The following TEAD2 variants were observed in gnomAD, a reference collection of about 807,000 sequenced individuals.
The protein encoded by TEAD2 is transcriptional enhancer factor TEF-4.
Under a neutral mutation model 61.4 loss-of-function variants are expected in TEAD2, and 51 were observed. The ratio of observed to expected loss-of-function variants is 0.83; its 90% CI spans 0.66 to 1.05. The LOEUF (loss-of-function observed/expected upper bound fraction) is 1.05, where lower values mean the gene tolerates loss of function less well. TEAD2 is among the 50% of genes least tolerant of loss of function. TEAD2 has a pLI of 0.00. For missense variants in TEAD2, 509 were observed against 600.0 expected, an observed-to-expected ratio of 0.85 and a Z score of 1.58; for synonymous variants, 244 against 243.2, an observed-to-expected ratio of 1.00 and a Z score of -0.03.
intron 10 of TEAD2, among the ~76,000 whole-genome samples, chr19:49,344,124 G>A (rs944599085): frequency 1.3e-5 from 2 of 152,062 alleles, no homozygotes; most frequent in African/African-American, 2.4e-5. Context: ...TGGGATTACA[G>A]GCATGAGCCA....
chr19:49,358,191 G>A (rs548130239), intron 3 of TEAD2, among the ~76,000 whole-genome samples: 3 of 152,260 alleles, frequency 2.0e-5, no homozygotes, highest in East Asian at 1.9e-4. Context: ...CCAAGATCAC[G>A]CCACTGCACT....
intron 11 of TEAD2, among the ~76,000 whole-genome samples, 197 bp from the exon 12 acceptor site, chr19:49,342,787 C>A (rs1715878316): frequency 6.6e-6 from 1 of 152,066 alleles, no homozygotes; most frequent in Non-Finnish European, 1.5e-5. Context: ...TCTGAGCCTG[C>A]AAATCACAAG....
intron 8 of TEAD2, 50 bp from the exon 9 acceptor site, chr19:49,348,895 A>G: frequency 1.4e-6 from 2 of 1,452,170 alleles, no homozygotes; most frequent in Non-Finnish European, 1.8e-6. Context: ...TTTATGGAAT[A>G]TATCAGGTAC....
At position 49,343,611 on chromosome 19, in the gene TEAD2, T is replaced by C. The variant is rs185820027; in HGVS notation, c.922-213A>G. Among the ~76,000 whole-genome samples, 223 of 152,074 alleles carry C rather than the reference T, an allele frequency of 1.5e-3. 3 individuals are homozygous for C. Among genetic ancestry groups the C allele is most frequent in the Admixed American group, 0.014 (219 of 15,262 alleles). ...AAAATTAGCCGGGCGTGGTGGTGCA[T>C]GCTTGTAATCCCAGCTACTGGGACA... On this transcript the variant is annotated intron_variant, in intron 10 of 12. Coordinates refer to ENST00000593945, the MANE Select transcript of TEAD2 (RefSeq NM_001256660.2).
intron 10 of TEAD2, among the ~76,000 whole-genome samples, chr19:49,345,816 G>T (rs969980763): frequency 6.6e-6 from 1 of 152,060 alleles, no homozygotes; most frequent in African/African-American, 2.4e-5. Context: ...ATCACTTGAG[G>T]TCAGGAGTTC....
At chr19:49,342,612 TG>T in intron 11 of TEAD2, 22 bp from the exon 12 acceptor site, 2 of 1,601,200 alleles carry the variant, frequency 1.2e-6, no homozygotes, top group South Asian at 2.2e-5. Context: ...GGAAGGGAGT[TG>T]GGAAAATGGT....
chr19:49,355,109 G>A (rs373986105), intron 7 of TEAD2, 39 bp downstream of exon 7: 2 of 1,563,268 alleles, frequency 1.3e-6, no homozygotes, highest in Admixed American at 1.8e-5. Context: ...GAGTGTGAGG[G>A]TGGGGGGCAG....
At chr19:49,351,482 T>A in intron 7 of TEAD2, 117 bp from the exon 8 acceptor site, 1 of 946,256 alleles carries the variant, frequency 1.1e-6, no homozygotes, top group Non-Finnish European at 1.6e-6. Flanking sequence ...ACAATCTCAC[T>A]GAAGCCTCAC....
chr19:49,359,443 G>T lies in TEAD2; in HGVS notation c.289C>A (p.Arg97=). The T allele has an allele frequency of 6.2e-7, 1 of 1,614,044 alleles. No homozygotes were observed. Among genetic ancestry groups the T allele is most frequent in the Non-Finnish European group, 8.5e-7 (1 of 1,180,002 alleles). Residue 97 remains arginine, a synonymous_variant, in exon 3 of 13, where the codon CGA becomes AGA. Transcript: ENST00000593945. The surrounding 1 kb of genome is among the most constrained non-coding windows in gnomAD (Gnocchi z 4.1). ...IKLRTGKTRT[R]KQVSSHIQVL... ...CAAGTCCATTCCGAGACCTGTTTTCGAGTTCGGGTCTTCCCCGTTCTCAGC... is the reference window on the plus strand; with the variant it reads ...CAAGTCCATTCCGAGACCTGTTTTCTAGTTCGGGTCTTCCCCGTTCTCAGC...
At chr19:49,355,853 G>T in intron 5 of TEAD2, 106 bp downstream of exon 5, 2 of 1,066,114 alleles carry the variant, frequency 1.9e-6, no homozygotes, top group Non-Finnish European at 2.5e-6. Flanking sequence ...GCAAAGGCTT[G>T]GGTTGGGGGA....
rs201072189 is a variant in TEAD2 at position 49,343,854 on chromosome 19, T to TG, written c.922-457_922-456insC. ...TTTTGTTGTTTGTTTGTCTTTTTTTTTGGGGGGGGGGGAACAGGGTCTTGC... is the reference window on the plus strand; with the variant it reads ...TTTTGTTGTTTGTTTGTCTTTTTTTTGTGGGGGGGGGGGAACAGGGTCTTGC... On this transcript the variant is annotated intron_variant, in intron 10 of 12. Transcript: ENST00000593945. 2.6e-3 allele frequency among the ~76,000 whole-genome samples: 290 copies of TG among 111,272 alleles called. 14 individuals are homozygous for TG. Among genetic ancestry groups the TG allele is most frequent in the East Asian group, 3.3e-3 (12 of 3,630 alleles). 73.0% of individuals were successfully genotyped at this position (111,272 alleles called of 152,430 possible).
At chr19:49,349,072 GAC>G in intron 8 of TEAD2, 1 of 450,018 alleles carries the variant, frequency 2.2e-6, no homozygotes, top group Admixed American at 4.0e-5. Flanking sequence ...GAATGAAAAA[GAC>G]AGAACTTTGG....
chr19:49,353,601 C>T (rs1004497358), intron 7 of TEAD2, among the ~76,000 whole-genome samples: 2 of 152,114 alleles, frequency 1.3e-5, no homozygotes, highest in African/African-American at 2.4e-5. Context: ...TCCATGAAAG[C>T]GGAAACCCCA....
In TEAD2 at chr19:49,360,026, G is replaced by A. The variant is rs368557340; in HGVS notation, c.50C>T (p.Thr17Met). 2.9e-5 allele frequency: 46 copies of A among 1,608,468 alleles called. No individual in the cohort carries two copies. The highest frequency in any genetic ancestry group is 4.5e-5 in the East Asian group (2 of 44,896). ...GAALDDGSGW[T>M]GSEEGSEEGT... ...CTCCTCACTGCCTTCCTCACTGCCCGTCCAGCCGCTGCCATCGTCCAGGGC... is the reference window on the plus strand; with the variant it reads ...CTCCTCACTGCCTTCCTCACTGCCCATCCAGCCGCTGCCATCGTCCAGGGC... Residue 17 changes from threonine (T) to methionine (M), a missense_variant, in exon 2 of 13, where the codon ACG becomes ATG. Physicochemically the swap from Thr to Met is moderately conservative, Grantham distance 81 (BLOSUM62 -1). Coordinates refer to ENST00000593945, the MANE Select transcript of TEAD2 (RefSeq NM_001256660.2).
At chr19:49,348,588 C>G (rs1240996069) in intron 9 of TEAD2, 115 bp downstream of exon 9, 4 of 961,858 alleles carry the variant, frequency 4.2e-6, no homozygotes, top group South Asian at 2.8e-5. Context: ...TTTAAGAAGC[C>G]CTTCAGATGA....
intron 10 of TEAD2, 141 bp downstream of exon 10, chr19:49,347,049 T>G: frequency 8.4e-7 from 1 of 1,197,440 alleles, no homozygotes; most frequent in South Asian, 1.5e-5. Flanking sequence ...CAAAGGGGGC[T>G]GACACTCCAA....
Position 49,359,385 on chromosome 19 carries a change from TAAG to T in TEAD2, c.297+47_297+49del. On this transcript the variant is annotated intron_variant, in intron 3 of 12. Coordinates refer to ENST00000593945, the MANE Select transcript of TEAD2 (RefSeq NM_001256660.2). The surrounding 1 kb of genome is among the most constrained non-coding windows in gnomAD (Gnocchi z 4.1). ...GAACCTGCCCATGCGAGGATGACCC[TAAG>T]AAGACCGGCCCATCCCAGACAGAAG... 4 of 1,584,872 alleles carry T rather than the reference TAAG, an allele frequency of 2.5e-6. No homozygotes were observed. The highest frequency in any genetic ancestry group is 3.5e-6 in the Non-Finnish European group (4 of 1,153,930).
chr19:49,359,104 A>G lies in TEAD2; in HGVS notation c.297+331T>C, dbSNP rs937076987. On this transcript the variant is annotated intron_variant, in intron 3 of 12. Coordinates refer to ENST00000593945, the MANE Select transcript of TEAD2 (RefSeq NM_001256660.2). The surrounding 1 kb of genome is among the most constrained non-coding windows in gnomAD (Gnocchi z 4.1). ...AAATACAAAATTACCCAGGCATGGTAGTGCATGTCTGTAATCCCTGCTACT... is the reference window on the plus strand; with the variant it reads ...AAATACAAAATTACCCAGGCATGGTGGTGCATGTCTGTAATCCCTGCTACT... Among the ~76,000 whole-genome samples, 9 of 151,946 alleles carry G rather than the reference A, an allele frequency of 5.9e-5. No homozygotes were observed. The highest frequency in any genetic ancestry group is 2.2e-4 in the African/African-American group (9 of 41,384).
rs747930381 is a variant in TEAD2, at chr19:49,342,423, A to AGCCCC, written c.1242+10_1242+14dup. 6.2e-7 allele frequency: 1 copy of AGCCCC among 1,611,048 alleles called. No individual in the cohort carries two copies. The highest frequency in any genetic ancestry group is 2.2e-5 in the East Asian group (1 of 44,752). ...ACACTGGGGGGCCCCACTCCAGCCC[A>AGCCCC]GCCCCAGGCATCACCTGGAGGATGG... On this transcript the variant is annotated intron_variant, in intron 12 of 12. Coordinates refer to ENST00000593945, the MANE Select transcript of TEAD2 (RefSeq NM_001256660.2).
Sources: gnomAD v4.1 joint callset for allele counts (sites outside exome capture counted in the v4.1 genomes callset) on GRCh38, gnomAD v4.1.1 for gene constraint, Gnocchi (gnomAD v3.1) non-coding constraint, MANE v1.5 for transcripts, NCBI Gene and HGNC (gene_info 2026-07-23, HGNC 2026-07-21) for gene names.